The following GPR179 variants were observed in gnomAD, a reference collection of about 807,000 sequenced individuals.
The protein encoded by GPR179 is probable G protein-coupled receptor 179.
In GPR179, 52 loss-of-function variants were observed where a neutral mutation model predicts 70.8. The observed-to-expected ratio is 0.73, with a 90% CI of 0.59 to 0.93. GPR179 has a LOEUF of 0.93. Among genes scored for constraint, GPR179 ranks in the 40% least tolerant of loss-of-function variants. GPR179 has a pLI of 0.00. For missense variants in GPR179, 2,734 were observed against 2,966.8 expected, an observed-to-expected ratio of 0.92 and a Z score of 1.82; for synonymous variants, 1,123 against 1,169.0, an observed-to-expected ratio of 0.96 and a Z score of 0.80.
rs762962801 is a variant in GPR179, at chr17:38,327,400, C to T, written c.6169G>A (p.Val2057Met). ...RAPEKSEPKG[V>M]PVQKKPEMAD... ...ATCTCTGGCTTTTTCTGAACTGGCA[C>T]ACCTTTTGGCTCTGATTTTTCTGGG... Residue 2057 changes from valine to methionine, a missense_variant, in exon 11 of 11, where the codon GTG becomes ATG. Coordinates refer to ENST00000616987, the MANE Select transcript of GPR179 (RefSeq NM_001004334.4). The T allele has an allele frequency of 1.2e-6, 2 of 1,614,220 alleles. No individual in the cohort carries two copies. Among genetic ancestry groups the T allele is most frequent in the Non-Finnish European group, 1.7e-6 (2 of 1,180,044 alleles).
Position 38,343,700 on chromosome 17 carries a change from C to T in GPR179, c.90G>A (p.Arg30=), listed in dbSNP as rs746596629. 25 of 1,600,670 alleles carry T rather than the reference C, an allele frequency of 1.6e-5. No homozygotes were observed. Among genetic ancestry groups the T allele is most frequent in the Middle Eastern group, 1.7e-4 (1 of 5,992 alleles). Residue 30 remains arginine (R), a synonymous_variant, in exon 1 of 11, where the codon CGG becomes CGA. Coordinates refer to ENST00000616987, the MANE Select transcript of GPR179 (RefSeq NM_001004334.4). The surrounding 1 kb of genome is among the most constrained non-coding windows in gnomAD (Gnocchi z 4.2). ...FVCAWALGGP[R]PIRSLPPLSS... is the part of the protein sequence containing the mutation. ...ACAGAGGGGGCAGAGAGCGGATGGG[C>T]CGTGGACCCCCCAGAGCCCAGGCAC...
chr17:38,333,367 C>G lies in GPR179; in HGVS notation c.1921G>C (p.Glu641Gln). 1 of 1,614,026 alleles carries G rather than the reference C, an allele frequency of 6.2e-7. No homozygotes were observed. Among genetic ancestry groups the G allele is most frequent in the Non-Finnish European group, 8.5e-7 (1 of 1,179,988 alleles). The change falls in exon 10 of 11, where the codon GAG (glutamate) becomes CAG (glutamine). Residue 641 changes from glutamate (E) to glutamine (Q), a missense_variant. Transcript: ENST00000616987. ...FWKLGAPPRE[E>Q]MVDEVCEDEL... is the part of the protein sequence containing the mutation. ...TCCTCACACACCTCATCCACCATCT[C>G]CTCCCGGGGAGGAGCCCCCAGCTTC...
chr17:38,329,452 GGGTATGAGCTTCTGGGC>G lies in GPR179; in HGVS notation c.4100_4116del (p.Gly1367AlafsTer2). 4 of 1,614,018 alleles carry G rather than the reference GGGTATGAGCTTCTGGGC, an allele frequency of 2.5e-6. No homozygotes were observed. The highest frequency in any genetic ancestry group is 3.4e-6 in the Non-Finnish European group (4 of 1,180,004). ...CACGGCTCTGCCTTGGTGATGTCAGGGGTATGAGCTTCTGGGCCAGCAGCTTCCCACCCAGGCTTCTC... is the reference window on the plus strand; with the variant it reads ...CACGGCTCTGCCTTGGTGATGTCAGGCAGCAGCTTCCCACCCAGGCTTCTC... On this transcript the variant is annotated frameshift_variant, in exon 11 of 11. Coordinates refer to ENST00000616987, the MANE Select transcript of GPR179 (RefSeq NM_001004334.4). LOFTEE classifies it low-confidence loss of function (END_TRUNC).
rs774255677 is a variant in GPR179 at position 38,328,754 on chromosome 17, C to A, written c.4815G>T (p.Trp1605Cys). Residue 1605 changes from tryptophan to cysteine, a missense_variant, in exon 11 of 11, where the codon TGG (tryptophan) becomes TGT (cysteine). Physicochemically the swap from Trp to Cys is radical, Grantham distance 215. Coordinates refer to ENST00000616987, the MANE Select transcript of GPR179 (RefSeq NM_001004334.4). ...CTCCTCTTGGCACCTGTGCTGATGTCCATTCCTCTCTTGTTCTTTCATTTA... is the reference window on the plus strand; with the variant it reads ...CTCCTCTTGGCACCTGTGCTGATGTACATTCCTCTCTTGTTCTTTCATTTA... ...WEVNERTREE[W>C]TSAQVPRGGE... is the part of the protein sequence containing the mutation. The A allele has an allele frequency of 6.2e-7, 1 of 1,613,898 alleles. No homozygotes were observed. The highest frequency in any genetic ancestry group is 8.5e-7 in the Non-Finnish European group (1 of 1,179,956).
At position 38,327,233 on chromosome 17, in the gene GPR179, C is replaced by T. The variant is rs186214845; in HGVS notation, c.6336G>A (p.Ala2112=). 3.4e-3 allele frequency: 5,544 copies of T among 1,614,234 alleles called. 38 individuals carry two copies. Among genetic ancestry groups the T allele is most frequent in the Non-Finnish European group, 3.3e-3 (3,868 of 1,180,036 alleles). ...EAAGSVETRV[A]EVCLWEVVEA... is the part of the protein sequence containing the mutation. ...CTACCACTTCCCACAGACACACTTC[C>T]GCTACCCTGGTCTCCACACTGCCTG... The change falls in exon 11 of 11, where the codon GCG becomes GCA. Residue 2112 remains alanine, a synonymous_variant. Coordinates refer to ENST00000616987, the MANE Select transcript of GPR179 (RefSeq NM_001004334.4).
chr17:38,340,276 A>G (rs2037438657), intron 1 of GPR179, among the ~76,000 whole-genome samples: 2 of 152,168 alleles, frequency 1.3e-5, no homozygotes, highest in African/African-American at 4.8e-5. Flanking sequence ...AGCTGGGACT[A>G]CAGGCATGTG....
chr17:38,327,978 G>C lies in GPR179; in HGVS notation c.5591C>G (p.Ala1864Gly). 6.2e-7 allele frequency: 1 copy of C among 1,614,082 alleles called. No individual in the cohort carries two copies. The highest frequency in any genetic ancestry group is 1.1e-5 in the South Asian group (1 of 91,080). Reference sequence around the variant, plus strand: ...AGTTTCCTGTTGTTGACACAGTTTTGCCATCCCTTTTGATACGTCTTCTCC... The same window carrying C: ...AGTTTCCTGTTGTTGACACAGTTTTCCCATCCCTTTTGATACGTCTTCTCC... ...SLGEDVSKGM[A>G]KLCQQQETIC... Residue 1864 changes from alanine to glycine, a missense_variant, in exon 11 of 11, where the codon GCA becomes GGA. By Grantham distance (60) the Ala-to-Gly change is moderately conservative (BLOSUM62 0). Coordinates refer to ENST00000616987, the MANE Select transcript of GPR179 (RefSeq NM_001004334.4).
At chr17:38,337,790 A>G in intron 2 of GPR179, 70 bp from the exon 3 acceptor site, 1 of 1,355,914 alleles carries the variant, frequency 7.4e-7, no homozygotes, top group Non-Finnish European at 1.0e-6. Context: ...CTCCTGGGAG[A>G]GATGGAGGGT....
chr17:38,334,655 G>T lies in GPR179; in HGVS notation c.1784+49C>A, dbSNP rs1375059255. The T allele has an allele frequency of 6.3e-7, 1 of 1,599,420 alleles. No homozygotes were observed. On this transcript the variant is annotated intron_variant, in intron 8 of 10. Transcript: ENST00000616987. The surrounding 1 kb of genome is among the most constrained non-coding windows in gnomAD (Gnocchi z 4.7). ...GGGCACCTCACCTGGGAGAGGTGAG[G>T]AGTACTGTTAGAGTGGAAGGGGGTG...
At position 38,336,107 on chromosome 17, in the gene GPR179, A is replaced by C; in HGVS notation, c.1265T>G (p.Val422Gly). The C allele has an allele frequency of 6.2e-7, 1 of 1,613,694 alleles. No homozygotes were observed. The highest frequency in any genetic ancestry group is 8.5e-7 in the Non-Finnish European group (1 of 1,179,620). Reference protein sequence around the residue: ...WASGVVLLETVLFGFLLLYFP... With the variant: ...WASGVVLLETGLFGFLLLYFP... The stretch of plus-strand genomic sequence containing the variant: ...GTAAAGCAGCAGGAATCCAAAAAGG[A>C]CAGTTTCCAGCAGGACCACTCCAGA... The change falls in exon 5 of 11, where the codon GTC (valine) becomes GGC (glycine). Residue 422 changes from valine (V) to glycine (G), a missense_variant. Physicochemically the swap from Val to Gly is moderately radical, Grantham distance 109. Coordinates refer to ENST00000616987, the MANE Select transcript of GPR179 (RefSeq NM_001004334.4).
chr17:38,337,284 G>C, intron 3 of GPR179, 71 bp from the exon 4 acceptor site: 1 of 1,500,166 alleles, frequency 6.7e-7, no homozygotes, highest in Non-Finnish European at 8.9e-7. Context: ...CCTTTTCCCT[G>C]ATAGTCACCA....
rs1028356739 is a variant in GPR179, at chr17:38,327,913, C to A, written c.5656G>T (p.Ala1886Ser). Residue 1886 changes from alanine to serine, a missense_variant, in exon 11 of 11, where the codon GCT becomes TCT. By Grantham distance (99) the Ala-to-Ser change is moderately conservative. Transcript: ENST00000616987. ...AAGTCTGAGATCTTGGGGGCCTGAG[C>A]AGGGGATTCCCTCAAGTCCTTGTTC... ...WENKDLRESP[A>S]QAPKISDLPS... The A allele has an allele frequency of 6.2e-7, 1 of 1,614,214 alleles. No homozygotes were observed. The highest frequency in any genetic ancestry group is 1.1e-5 in the South Asian group (1 of 91,088).
chr17:38,333,620 C>CCCTA, intron 9 of GPR179, among the ~76,000 whole-genome samples: 1 of 152,324 alleles, frequency 6.6e-6, no homozygotes, highest in East Asian at 1.9e-4. Context: ...AATTCCTAGC[C>CCCTA]GGGTCCTTCA....
In GPR179 at chr17:38,328,234, G is replaced by A; in HGVS notation, c.5335C>T (p.Leu1779=). Residue 1779 remains leucine, a synonymous_variant, in exon 11 of 11, where the codon CTA becomes TTA. Coordinates refer to ENST00000616987, the MANE Select transcript of GPR179 (RefSeq NM_001004334.4). The stretch of plus-strand genomic sequence containing the variant: ...CCAGCTTTTGGTCCATCAGCATCTA[G>A]AGTACCTGGATGCTGAGAACAGGCC... ...PGACSQHPGT[L]DADGPKAGFQ... is the part of the protein sequence containing the mutation. 1 of 1,613,664 alleles carries A rather than the reference G, an allele frequency of 6.2e-7. No homozygotes were observed. Among genetic ancestry groups the A allele is most frequent in the South Asian group, 1.1e-5 (1 of 91,070 alleles).
Position 38,326,814 on chromosome 17 carries a change from T to A in GPR179, c.6755A>T (p.Glu2252Val). The change falls in exon 11 of 11, where the codon GAG becomes GTG. Residue 2252 changes from glutamate (E) to valine (V), a missense_variant. Transcript: ENST00000616987. ...CPGEETGVPS[E>V]ESGLLALTAT... ...TGTTAAAGCCAGGAGGCCAGATTCC[T>A]CAGATGGGACTCCAGTTTCCTCCCC... is the stretch of plus-strand genomic sequence containing the variant. 5.0e-6 allele frequency: 8 copies of A among 1,614,206 alleles called. No homozygotes were observed. The highest frequency in any genetic ancestry group is 6.8e-6 in the Non-Finnish European group (8 of 1,180,018).
At chr17:38,332,636 T>C (rs66542251) in intron 10 of GPR179, among the ~76,000 whole-genome samples, 7,543 of 152,228 alleles carry the variant, frequency 0.05, 600 homozygotes, top group African/African-American at 0.17. Flanking sequence ...TGTCAGAATC[T>C]TACTCTTTCA....
chr17:38,342,972 C>T, intron 1 of GPR179, 24 bp downstream of exon 1: 1 of 1,565,280 alleles, frequency 6.4e-7, no homozygotes, highest in African/African-American at 1.4e-5. Context: ...ACACATGCAT[C>T]AAATCCTGCA....
chr17:38,334,124 C>A lies in GPR179; in HGVS notation c.1785-86G>T. The stretch of plus-strand genomic sequence containing the variant: ...CTTCTCACTGGCGTTTCACCTCAGC[C>A]CCAACCCTGATACGCTTAGGACGAG... On this transcript the variant is annotated intron_variant, in intron 8 of 10. Transcript: ENST00000616987. This position sits in a 1 kb window ranked among gnomAD's most constrained non-coding sequence, Gnocchi z 4.7. The A allele has an allele frequency of 1.1e-6, 1 of 946,368 alleles. No homozygotes were observed. The highest frequency in any genetic ancestry group is 1.3e-5 in the South Asian group (1 of 76,338). The allele number at this position is 946,368 out of a possible 1,614,324, so 58.6% of individuals were successfully genotyped here.
chr17:38,325,195 T>G lies in GPR179; in HGVS notation c.*1270A>C, dbSNP rs1033564453. On this transcript the variant is annotated 3_prime_UTR_variant, in exon 11 of 11. Coordinates refer to ENST00000616987, the MANE Select transcript of GPR179 (RefSeq NM_001004334.4). ...GGTATTATCATCTAATCCCAGCAAT[T>G]TGTAATCTAGTACTGCTTAAGCAAG... 6.6e-6 allele frequency among the ~76,000 whole-genome samples: 1 copy of G among 152,164 alleles called. No individual in the cohort carries two copies. The highest frequency in any genetic ancestry group is 1.5e-5 in the Non-Finnish European group (1 of 68,030).
Sources: gnomAD v4.1 joint callset for allele counts (sites outside exome capture counted in the v4.1 genomes callset) on GRCh38, gnomAD v4.1.1 for gene constraint, Gnocchi (gnomAD v3.1) non-coding constraint, MANE v1.5 for transcripts, NCBI Gene and HGNC (gene_info 2026-07-23, HGNC 2026-07-21) for gene names.